Variants in FLT3 observed in about 807,000 individuals in gnomAD.
The protein encoded by FLT3 is receptor-type tyrosine-protein kinase FLT3.
A neutral mutation model predicts 126.6 loss-of-function variants in FLT3; 46 were observed. That is an observed-to-expected ratio of 0.36 (90% CI 0.29 to 0.46). The LOEUF is 0.46. Among genes scored for constraint, FLT3 ranks in the 20% least tolerant of loss-of-function variants. FLT3 has a pLI of 1.00. For missense variants in FLT3, 1,069 were observed against 1,190.3 expected (o/e 0.90, Z 1.50); for synonymous variants, 404 against 434.4 (o/e 0.93, Z 0.87).
At chr13:28,090,689 G>A (rs1469350095) in intron 1 of FLT3, among the ~76,000 whole-genome samples, 2 of 152,024 alleles carry the variant, frequency 1.3e-5, no homozygotes. Flanking sequence ...GAGGTGGGAG[G>A]ATCACTGAAG....
chr13:28,028,172 G>A lies in FLT3; in HGVS notation c.2053+6C>T. 6.7e-7 allele frequency: 1 copy of A among 1,482,206 alleles called. No individual in the cohort carries two copies. The highest frequency in any genetic ancestry group is 9.4e-7 in the Non-Finnish European group (1 of 1,060,218). The allele number at this position is 1,482,206 out of a possible 1,614,324, so 91.8% of individuals were successfully genotyped here. ...TGATGAGGTGATTTTCGTGGAAGTG[G>A]GTTACCTGACAGTGTGCACGCCCCC... On this transcript the variant is annotated splice_donor_region_variant and intron_variant, in intron 16 of 23. Coordinates refer to ENST00000241453, the MANE Select transcript of FLT3 (RefSeq NM_004119.3).
intron 9 of FLT3, among the ~76,000 whole-genome samples, chr13:28,040,449 C>A (rs1376105301): frequency 1.3e-5 from 2 of 152,074 alleles, no homozygotes; most frequent in Non-Finnish European, 2.9e-5. Context: ...CACCTGTAAT[C>A]CCAACACTTT....
At chr13:28,044,533 G>A (rs1028588036) in intron 9 of FLT3, among the ~76,000 whole-genome samples, 6 of 151,642 alleles carry the variant, frequency 4.0e-5, no homozygotes, top group Admixed American at 3.3e-4. Flanking sequence ...TCTCAACATA[G>A]AGCCTCATGT....
intron 1 of FLT3, among the ~76,000 whole-genome samples, chr13:28,088,461 T>C (rs1404336565): frequency 2.0e-5 from 3 of 152,062 alleles, no homozygotes; most frequent in South Asian, 2.1e-4. Flanking sequence ...CTAATTTTTG[T>C]ATTTTTACTA....
At chr13:28,018,343 G>C in intron 20 of FLT3, 124 bp downstream of exon 20, 1 of 1,067,242 alleles carries the variant, frequency 9.4e-7, no homozygotes, top group Non-Finnish European at 1.4e-6. Flanking sequence ...TAAGCAGACT[G>C]CTGTGAGGGT....
chr13:28,029,366 G>A (rs1013930969), intron 15 of FLT3, among the ~76,000 whole-genome samples: 14 of 152,022 alleles, frequency 9.2e-5, no homozygotes, highest in Admixed American at 3.9e-4. Context: ...CACCACTCCA[G>A]CCTGGGTGAC....
At chr13:28,050,056 G>C (rs771602262) in intron 6 of FLT3, 39 bp downstream of exon 6, 2 of 1,604,580 alleles carry the variant, frequency 1.2e-6, no homozygotes, top group African/African-American at 2.7e-5. Context: ...GCTAAGAACC[G>C]GTCACTGAAA....
intron 1 of FLT3, among the ~76,000 whole-genome samples, chr13:28,070,965 A>G (rs1373123259): frequency 7.2e-6 from 1 of 139,630 alleles, no homozygotes; most frequent in Non-Finnish European, 1.6e-5. Context: ...GTGTGTGTGC[A>G]CTTTTTATTG....
intron 1 of FLT3, among the ~76,000 whole-genome samples, chr13:28,071,331 A>G (rs1409452171): frequency 6.6e-6 from 1 of 151,346 alleles, no homozygotes; most frequent in African/African-American, 2.4e-5. Flanking sequence ...TTTTTTCTCT[A>G]TGGGTGCTTA....
intron 17 of FLT3, among the ~76,000 whole-genome samples, chr13:28,026,871 G>C (rs1278097987): frequency 6.6e-6 from 1 of 152,204 alleles, no homozygotes; most frequent in Non-Finnish European, 1.5e-5. Flanking sequence ...TGGGTGGAGA[G>C]AGACTAGCTC....
intron 19 of FLT3, among the ~76,000 whole-genome samples, chr13:28,022,780 G>A (rs946098995): frequency 6.6e-6 from 1 of 152,174 alleles, no homozygotes; most frequent in African/African-American, 2.4e-5. Context: ...AACAGCGGGT[G>A]GAAAGGCAGT....
At chr13:28,023,112 C>T (rs910510187) in intron 19 of FLT3, among the ~76,000 whole-genome samples, 1 of 152,178 alleles carries the variant, frequency 6.6e-6, no homozygotes, top group Non-Finnish European at 1.5e-5. Flanking sequence ...TTGGAAGTTT[C>T]AGGGGACTTT....
At chr13:28,066,775 C>T (rs1877073894) in intron 2 of FLT3, among the ~76,000 whole-genome samples, 1 of 152,128 alleles carries the variant, frequency 6.6e-6, no homozygotes, top group Admixed American at 6.6e-5. Flanking sequence ...TAGGCAAACA[C>T]CACCATAATA....
chr13:28,084,932 A>G lies in FLT3; in HGVS notation c.44-14320T>C, dbSNP rs367642276. ...GGAGCTTGCAGTGAGCCGAGATCGC[A>G]CCACTGCACTCCAGCCTGGGCGACA... On this transcript the variant is annotated intron_variant, in intron 1 of 23. Transcript: ENST00000241453. Among the ~76,000 whole-genome samples the G allele has an allele frequency of 6.4e-4, 95 of 147,446 alleles. 2 individuals are homozygous for G. In the East Asian group the frequency reaches 0.016, roughly 25 times the overall value.
At chr13:28,063,641 G>A (rs1197973438) in intron 2 of FLT3, among the ~76,000 whole-genome samples, 1 of 151,892 alleles carries the variant, frequency 6.6e-6, no homozygotes, top group Admixed American at 6.6e-5. Context: ...GAAGAGCAGG[G>A]TAGCTCTTCT....
At chr13:28,049,866 C>T in intron 6 of FLT3, 92 bp from the exon 7 acceptor site, 1 of 1,367,370 alleles carries the variant, frequency 7.3e-7, no homozygotes, top group South Asian at 1.4e-5. Context: ...AAGACTTTAG[C>T]ATCATCTCAA....
At chr13:28,039,404 T>A (rs1001955286) in intron 9 of FLT3, among the ~76,000 whole-genome samples, 1 of 152,054 alleles carries the variant, frequency 6.6e-6, no homozygotes, top group African/African-American at 2.4e-5. Context: ...GGTTTCACCA[T>A]GTTGGCCAGG....
chr13:28,029,704 G>T (rs1873143937), intron 15 of FLT3, among the ~76,000 whole-genome samples: 1 of 152,212 alleles, frequency 6.6e-6, no homozygotes, highest in Admixed American at 6.5e-5. Flanking sequence ...TTGCCAGCAA[G>T]TCCAATGGGA....
intron 9 of FLT3, among the ~76,000 whole-genome samples, chr13:28,047,671 C>G (rs1204843224): frequency 2.1e-5 from 3 of 142,682 alleles, no homozygotes; most frequent in Admixed American, 7.2e-5. Flanking sequence ...AATATTGCAC[C>G]ACTGCACTAT....
Sources: allele counts gnomAD v4.1 joint callset (sites outside exome capture counted in the v4.1 genomes callset), GRCh38; gene constraint gnomAD v4.1.1; transcripts MANE v1.5; gene names NCBI Gene and HGNC (gene_info 2026-07-23, HGNC 2026-07-21).